ALCAM: variants seen among roughly 807,000 people sequenced by gnomAD.
ALCAM encodes CD166 antigen.
ALCAM carries 30 observed loss-of-function variants against 70.9 expected under a neutral mutation model. The ratio of observed to expected loss-of-function variants is 0.42; its 90% CI spans 0.32 to 0.57. The LOEUF is 0.57. Ranked by LOEUF, ALCAM falls within the 20% of genes least tolerant of loss-of-function variation. The pLI is 0.11. For missense variants in ALCAM, 591 were observed against 695.1 expected (o/e 0.85, Z 1.68); for synonymous variants, 249 against 242.5 (o/e 1.03, Z -0.25).
intron 2 of ALCAM, among the ~76,000 whole-genome samples, chr3:105,521,579 G>T (rs1559820053): frequency 6.6e-6 from 1 of 152,148 alleles, no homozygotes; most frequent in African/African-American, 2.4e-5. Flanking sequence ...TGTGCTCACT[G>T]TGAGATTCTG....
At chr3:105,376,754 G>A (rs946413460) in intron 1 of ALCAM, among the ~76,000 whole-genome samples, 12 of 152,190 alleles carry the variant, frequency 7.9e-5, no homozygotes, top group African/African-American at 2.9e-4. Context: ...AGCAGGAAGT[G>A]ATATCTGAGC....
intron 1 of ALCAM, among the ~76,000 whole-genome samples, chr3:105,413,318 A>G (rs375761982): frequency 6.6e-6 from 1 of 152,160 alleles, no homozygotes. Flanking sequence ...GCATGTGATA[A>G]CACCATATAG....
intron 1 of ALCAM, among the ~76,000 whole-genome samples, chr3:105,455,208 G>C (rs552945011): frequency 3.5e-4 from 53 of 151,834 alleles, no homozygotes; most frequent in Admixed American, 3.3e-3. Context: ...TTGGGAGGCC[G>C]AGGCGGGCGG....
At chr3:105,484,505 A>G (rs1460521254) in intron 1 of ALCAM, among the ~76,000 whole-genome samples, 1 of 152,050 alleles carries the variant, frequency 6.6e-6, no homozygotes, top group Non-Finnish European at 1.5e-5. Flanking sequence ...CAATATTAAT[A>G]CATATGGTCA....
intron 1 of ALCAM, among the ~76,000 whole-genome samples, chr3:105,482,126 G>A (rs998674170): frequency 1.3e-5 from 2 of 151,886 alleles, no homozygotes; most frequent in Admixed American, 1.3e-4. Flanking sequence ...TTTATTTTAT[G>A]TTTTTTGAGA....
At chr3:105,500,515 C>A (rs902315790) in intron 1 of ALCAM, among the ~76,000 whole-genome samples, 1 of 152,120 alleles carries the variant, frequency 6.6e-6, no homozygotes, top group African/African-American at 2.4e-5. Flanking sequence ...TTTTCTATTA[C>A]ATACTCCATT....
chr3:105,432,019 A>C (rs1936946048), intron 1 of ALCAM, among the ~76,000 whole-genome samples: 1 of 152,144 alleles, frequency 6.6e-6, no homozygotes, highest in Non-Finnish European at 1.5e-5. Flanking sequence ...GGTCTGAAAA[A>C]ACGAAAGAAT....
At chr3:105,403,795 C>T (rs946491582) in intron 1 of ALCAM, among the ~76,000 whole-genome samples, 6 of 151,206 alleles carry the variant, frequency 4.0e-5, no homozygotes, top group African/African-American at 1.2e-4. Flanking sequence ...ATCCAGGAGC[C>T]ACCAGAGAAA....
intron 1 of ALCAM, among the ~76,000 whole-genome samples, chr3:105,511,436 C>T (rs1184367557): frequency 6.6e-6 from 1 of 152,048 alleles, no homozygotes; most frequent in African/African-American, 2.4e-5. Context: ...TCTCCTTTCT[C>T]CTCAAAGCTA....
intron 8 of ALCAM, among the ~76,000 whole-genome samples, chr3:105,543,065 G>A (rs531294077): frequency 1.3e-5 from 2 of 151,832 alleles, no homozygotes; most frequent in East Asian, 3.9e-4. Flanking sequence ...TGCTCATGAT[G>A]TCTTTGGGCC....
At chr3:105,485,185 A>C (rs1188033859) in intron 1 of ALCAM, among the ~76,000 whole-genome samples, 1 of 152,094 alleles carries the variant, frequency 6.6e-6, no homozygotes, top group African/African-American at 2.4e-5. Flanking sequence ...CATCATGAAA[A>C]GATGCTTGTG....
intron 1 of ALCAM, among the ~76,000 whole-genome samples, chr3:105,405,306 A>G (rs6775036): frequency 2.2e-5 from 3 of 135,858 alleles, no homozygotes; most frequent in South Asian, 4.7e-4. Flanking sequence ...AAAAAAAAAG[A>G]CAAAGAGGGA....
intron 14 of ALCAM, among the ~76,000 whole-genome samples, chr3:105,555,178 C>A (rs1371462946): frequency 1.3e-5 from 2 of 151,928 alleles, no homozygotes; most frequent in Non-Finnish European, 2.9e-5. Flanking sequence ...CAAGCATTTC[C>A]TTTAAAATAT....
intron 2 of ALCAM, 32 bp from the exon 3 acceptor site, chr3:105,524,257 G>C (rs895126374): frequency 6.5e-7 from 1 of 1,527,126 alleles, no homozygotes; most frequent in Non-Finnish European, 9.0e-7. Flanking sequence ...GAATATGCTT[G>C]TGTTTAAATG....
intron 1 of ALCAM, among the ~76,000 whole-genome samples, chr3:105,476,225 T>G (rs902585152): frequency 6.6e-6 from 1 of 152,070 alleles, no homozygotes; most frequent in Non-Finnish European, 1.5e-5. Context: ...TTTCCTTTGC[T>G]GCTCACTCAT....
chr3:105,426,139 G>T (rs73181308), intron 1 of ALCAM, among the ~76,000 whole-genome samples: 24,204 of 151,750 alleles, frequency 0.16, 2,204 homozygotes, highest in East Asian at 0.37. Context: ...TATATTTAGT[G>T]ACTTTAACTT....
chr3:105,455,030 T>C (rs1381747590), intron 1 of ALCAM, among the ~76,000 whole-genome samples: 2 of 152,118 alleles, frequency 1.3e-5, no homozygotes, highest in African/African-American at 4.8e-5. Flanking sequence ...AAGAAACTCT[T>C]GTTGAATTAC....
At chr3:105,407,259 A>G (rs1240976331) in intron 1 of ALCAM, among the ~76,000 whole-genome samples, 1 of 81,024 alleles carries the variant, frequency 1.2e-5, no homozygotes, top group Non-Finnish European at 2.6e-5. Context: ...AACAACAGCA[A>G]CAACAACAAA....
In ALCAM at chr3:105,367,073, T is replaced by C; in HGVS notation, c.-336T>C. 4.3e-6 allele frequency: 1 copy of C among 230,078 alleles called. No homozygotes were observed. The highest frequency in any genetic ancestry group is 8.8e-6 in the Non-Finnish European group (1 of 113,944). 14.3% of individuals were successfully genotyped at this position (230,078 alleles called of 1,614,324 possible). On this transcript the variant is annotated 5_prime_UTR_variant, in exon 1 of 16. An upstream open reading frame in the 5' UTR loses its in-frame stop. Coordinates refer to ENST00000306107, the MANE Select transcript of ALCAM (RefSeq NM_001627.4). ...TATTATCATTCCAATACAAGGAAAA[T>C]AAAAGAAGATACCAGCGAAAAGAAC... is the stretch of plus-strand genomic sequence containing the variant.
Sources: allele counts gnomAD v4.1 joint callset (sites outside exome capture counted in the v4.1 genomes callset), GRCh38; gene constraint gnomAD v4.1.1; transcripts MANE v1.5; gene names NCBI Gene and HGNC (gene_info 2026-07-23, HGNC 2026-07-21).